ZBTB16: variants seen among roughly 807,000 people sequenced by gnomAD.
ZBTB16 encodes zinc finger and BTB domain-containing protein 16.
ZBTB16 carries 8 observed loss-of-function variants against 56.8 expected under a neutral mutation model. The ratio of observed to expected loss-of-function variants is 0.14; its 90% CI spans 0.08 to 0.25. The LOEUF (loss-of-function observed/expected upper bound fraction) is 0.25, where lower values mean the gene tolerates loss of function less well. ZBTB16 is among the 10% of genes least tolerant of loss of function. The probability of loss-of-function intolerance (pLI) is 1.00; values close to 1 mark genes in which losing one functional copy is unlikely to be tolerated. For missense variants in ZBTB16, 625 were observed against 903.0 expected (o/e 0.69, Z 3.95); for synonymous variants, 363 against 368.5 (o/e 0.98, Z 0.17).
At chr11:114,204,175 A>G (rs1484387821) in intron 4 of ZBTB16, among the ~76,000 whole-genome samples, 1 of 147,990 alleles carries the variant, frequency 6.8e-6, no homozygotes, top group South Asian at 2.1e-4. Flanking sequence ...TTTTTCTGAG[A>G]CACAGTCTTG....
At position 114,236,547 on chromosome 11, in the gene ZBTB16, C is replaced by T. The variant is rs139034477; in HGVS notation, c.1454-5620C>T. Among the ~76,000 whole-genome samples the T allele has an allele frequency of 1.8e-3, 279 of 152,280 alleles. 8 individuals are homozygous for T. The East Asian group carries it at 0.04, about 22-fold the overall frequency. On this transcript the variant is annotated intron_variant, in intron 4 of 6. Coordinates refer to ENST00000335953, the MANE Select transcript of ZBTB16 (RefSeq NM_006006.6). ...AGACACGGGGGGCCTCAGTGAGATC[C>T]GCTGCCTGTGGGTCACTTGTCATTA...
intron 3 of ZBTB16, among the ~76,000 whole-genome samples, chr11:114,165,388 C>T (rs968835793): frequency 2.0e-5 from 3 of 152,192 alleles, no homozygotes; most frequent in African/African-American, 7.2e-5. Flanking sequence ...CTTTACAAGG[C>T]CCTTATTGGA....
At chr11:114,203,818 G>A (rs527664998) in intron 4 of ZBTB16, among the ~76,000 whole-genome samples, 46 of 152,292 alleles carry the variant, frequency 3.0e-4, no homozygotes, top group Non-Finnish European at 6.3e-4. Flanking sequence ...GCAGCAGGGA[G>A]TAGGGGTGGC....
At chr11:114,070,618 C>T in intron 2 of ZBTB16, among the ~76,000 whole-genome samples, 1 of 152,174 alleles carries the variant, frequency 6.6e-6, no homozygotes, top group Non-Finnish European at 1.5e-5. Context: ...GCGCTCTGCA[C>T]CAGGCCATAT....
At chr11:114,207,197 A>C (rs80160508) in intron 4 of ZBTB16, among the ~76,000 whole-genome samples, 5,040 of 152,206 alleles carry the variant, frequency 0.033, 114 homozygotes, top group African/African-American at 0.057. Flanking sequence ...TCAAAGCATC[A>C]TCATTGTCTT....
At chr11:114,162,555 T>A (rs937373775) in intron 3 of ZBTB16, among the ~76,000 whole-genome samples, 2 of 152,192 alleles carry the variant, frequency 1.3e-5, no homozygotes, top group African/African-American at 4.8e-5. Flanking sequence ...CTGCCCAGGC[T>A]TGTGAGAGCC....
chr11:114,102,402 G>C (rs1255037451), intron 2 of ZBTB16, among the ~76,000 whole-genome samples: 1 of 152,132 alleles, frequency 6.6e-6, no homozygotes, highest in Non-Finnish European at 1.5e-5. Context: ...GATCCTTGGT[G>C]AGTTTTTTTT....
chr11:114,129,431 T>C (rs1941603558), intron 2 of ZBTB16, among the ~76,000 whole-genome samples: 2 of 152,226 alleles, frequency 1.3e-5, no homozygotes, highest in South Asian at 4.1e-4. Flanking sequence ...CATGCAGATA[T>C]CATAATTTTC....
At chr11:114,069,307 G>T (rs534581122) in intron 2 of ZBTB16, among the ~76,000 whole-genome samples, 1 of 151,862 alleles carries the variant, frequency 6.6e-6, no homozygotes, top group East Asian at 1.9e-4. Context: ...GTATGGTCTC[G>T]ATCTCCTGAA....
chr11:114,062,919 C>G (rs934581187), intron 1 of ZBTB16, among the ~76,000 whole-genome samples: 6 of 152,216 alleles, frequency 3.9e-5, no homozygotes, highest in Admixed American at 3.9e-4. Context: ...ACTTATAGGA[C>G]TTCACTACAA....
chr11:114,124,097 G>C (rs1384533517), intron 2 of ZBTB16, among the ~76,000 whole-genome samples: 2 of 152,128 alleles, frequency 1.3e-5, no homozygotes, highest in Non-Finnish European at 2.9e-5. Context: ...GGGTAATGGG[G>C]AGTGAAGTCC....
At chr11:114,084,088 G>T (rs1223673796) in intron 2 of ZBTB16, among the ~76,000 whole-genome samples, 1 of 152,218 alleles carries the variant, frequency 6.6e-6, no homozygotes, top group Non-Finnish European at 1.5e-5. Flanking sequence ...TCCACTGAGT[G>T]TCTCCATCCT....
intron 2 of ZBTB16, among the ~76,000 whole-genome samples, chr11:114,133,307 A>G (rs1591700491): frequency 6.6e-6 from 1 of 151,730 alleles, no homozygotes; most frequent in South Asian, 2.1e-4. Context: ...CACCCCTGGC[A>G]CCTTGTGGTG....
intron 3 of ZBTB16, among the ~76,000 whole-genome samples, chr11:114,184,208 T>C (rs1242792513): frequency 6.6e-6 from 1 of 152,214 alleles, no homozygotes; most frequent in Non-Finnish European, 1.5e-5. Flanking sequence ...GTCAGTGAGA[T>C]AGAGAAAGTC....
chr11:114,061,414 G>C (rs1938858528), intron 1 of ZBTB16: 1 of 152,220 alleles, frequency 6.6e-6, no homozygotes, highest in Admixed American at 6.5e-5. Context: ...GCGGTGGCTC[G>C]GCTCGGCTGA....
intron 2 of ZBTB16, among the ~76,000 whole-genome samples, chr11:114,154,797 AG>A (rs2134952132): frequency 2.0e-5 from 3 of 152,284 alleles, no homozygotes; most frequent in Admixed American, 2.0e-4. Context: ...GGAAAGGGAA[AG>A]CATGCAAACA....
At chr11:114,167,621 T>C (rs1038521397) in intron 3 of ZBTB16, among the ~76,000 whole-genome samples, 1 of 152,124 alleles carries the variant, frequency 6.6e-6, no homozygotes, top group Admixed American at 6.5e-5. Flanking sequence ...CCCTGATCTA[T>C]ATTTGTAGGG....
At chr11:114,134,345 CT>C in intron 2 of ZBTB16, among the ~76,000 whole-genome samples, 1 of 149,408 alleles carries the variant, frequency 6.7e-6, no homozygotes, top group East Asian at 1.9e-4. Flanking sequence ...CGTACTGGGC[CT>C]TTTCTTTCTT....
At chr11:114,067,452 G>A (rs868672835) in intron 2 of ZBTB16, among the ~76,000 whole-genome samples, 1 of 152,248 alleles carries the variant, frequency 6.6e-6, no homozygotes, top group African/African-American at 2.4e-5. Flanking sequence ...TGTCGCCCAG[G>A]CTGCAGTGCA....
Sources: allele counts gnomAD v4.1 joint callset (sites outside exome capture counted in the v4.1 genomes callset), GRCh38; gene constraint gnomAD v4.1.1; transcripts MANE v1.5; gene names NCBI Gene and HGNC (gene_info 2026-07-23, HGNC 2026-07-21).